GOLGA7: variants seen among roughly 807,000 people sequenced by gnomAD.
GOLGA7 encodes the protein golgin A7.
Under a neutral mutation model 21.1 loss-of-function variants are expected in GOLGA7, and 10 were observed. That is an observed-to-expected ratio of 0.47 (90% CI 0.29 to 0.80). The LOEUF is 0.80. Among genes scored for constraint, GOLGA7 ranks in the 30% least tolerant of loss-of-function variants. GOLGA7 has a pLI of 0.08. For missense variants in GOLGA7, 114 were observed against 166.8 expected, an observed-to-expected ratio of 0.68 and a Z score of 1.74; for synonymous variants, 64 against 62.6, an observed-to-expected ratio of 1.02 and a Z score of -0.10.
chr8:41,506,487 G>A (rs1323568596), intron 3 of GOLGA7, among the ~76,000 whole-genome samples: 1 of 152,052 alleles, frequency 6.6e-6, no homozygotes, highest in Non-Finnish European at 1.5e-5. Context: ...ATTTTTAGAG[G>A]CAGTAAGCTT....
chr8:41,499,976 T>C (rs1806111482), intron 2 of GOLGA7, among the ~76,000 whole-genome samples: 1 of 152,228 alleles, frequency 6.6e-6, no homozygotes, highest in Non-Finnish European at 1.5e-5. Context: ...TCAGAAGTTA[T>C]CAAGGCTCTA....
At chr8:41,493,091 A>C (rs575957420) in intron 1 of GOLGA7, among the ~76,000 whole-genome samples, 1 of 152,190 alleles carries the variant, frequency 6.6e-6, no homozygotes, top group Non-Finnish European at 1.5e-5. Context: ...GCACTCTTCA[A>C]TTGTGCCTTT....
rs1193659670 is a variant in GOLGA7, at chr8:41,497,498, CT to C, written c.112-9del. ...CCAAAACTTAATTTTTAAATATTTT[CT>C]TCTCTACAGATTGATAGGCAGCAGT... On this transcript the variant is annotated splice_polypyrimidine_tract_variant and intron_variant, in intron 1 of 4. Coordinates refer to ENST00000357743, the MANE Select transcript of GOLGA7 (RefSeq NM_001002296.2). 7.1e-7 allele frequency: 1 copy of C among 1,404,488 alleles called. No individual in the cohort carries two copies. Among genetic ancestry groups the C allele is most frequent in the Non-Finnish European group, 9.8e-7 (1 of 1,025,344 alleles). The allele number at this position is 1,404,488 out of a possible 1,614,324, so 87.0% of individuals were successfully genotyped here. A position where few individuals can be genotyped will look rare whatever the true frequency, so the allele number is the denominator to read the frequency against.
intron 1 of GOLGA7, among the ~76,000 whole-genome samples, chr8:41,491,172 C>T (rs1408055362): frequency 6.6e-6 from 1 of 152,176 alleles, no homozygotes; most frequent in Non-Finnish European, 1.5e-5. Context: ...GGCCGATCGC[C>T]GGGGTTGACG....
chr8:41,500,073 CTA>C (rs536972283), intron 2 of GOLGA7, among the ~76,000 whole-genome samples: 302 of 152,306 alleles, frequency 2.0e-3, no homozygotes, highest in Middle Eastern at 0.01. Context: ...TGCTCAGTAA[CTA>C]TTGAAAGCCT....
intron 1 of GOLGA7, among the ~76,000 whole-genome samples, chr8:41,491,412 G>A (rs1415211639): frequency 6.6e-6 from 1 of 152,156 alleles, no homozygotes; most frequent in East Asian, 1.9e-4. Context: ...TGTGCTGGCC[G>A]CACTGTTTGG....
chr8:41,499,238 C>T (rs1472835550), intron 2 of GOLGA7, among the ~76,000 whole-genome samples: 1 of 152,168 alleles, frequency 6.6e-6, no homozygotes, highest in Non-Finnish European at 1.5e-5. Flanking sequence ...TCCAACCCCA[C>T]AGCAGTGTCT....
chr8:41,507,192 C>T, intron 4 of GOLGA7, 71 bp downstream of exon 4: 2 of 753,548 alleles, frequency 2.7e-6, no homozygotes. Context: ...TTCTTCCCCG[C>T]ATGGTAAATA....
At chr8:41,491,622 C>G (rs949907584) in intron 1 of GOLGA7, among the ~76,000 whole-genome samples, 1 of 151,002 alleles carries the variant, frequency 6.6e-6, no homozygotes, top group Non-Finnish European at 1.5e-5. Context: ...GGCAACATTG[C>G]AGGCAAAAAT....
Position 41,501,594 on chromosome 8 carries a change from C to T in GOLGA7, c.264+3933C>T, listed in dbSNP as rs902115441. ...AAAAAAAACTAGAGATGGGGTCTCACTATGTTGGCTAGGCTGGTCTTGCAC... is the reference window on the plus strand; with the variant it reads ...AAAAAAAACTAGAGATGGGGTCTCATTATGTTGGCTAGGCTGGTCTTGCAC... On this transcript the variant is annotated intron_variant, in intron 2 of 4. Coordinates refer to ENST00000357743, the MANE Select transcript of GOLGA7 (RefSeq NM_001002296.2). Among the ~76,000 whole-genome samples, 6 of 152,162 alleles carry T rather than the reference C, an allele frequency of 3.9e-5. No homozygotes were observed. In the East Asian group the frequency reaches 9.6e-4, roughly 24 times the overall value.
intron 1 of GOLGA7, among the ~76,000 whole-genome samples, chr8:41,496,939 CT>C (rs1205926066): frequency 6.6e-6 from 1 of 150,894 alleles, no homozygotes; most frequent in East Asian, 2.0e-4. Context: ...TCCCCAGTAG[CT>C]GGGGCTATAG....
In GOLGA7 at chr8:41,497,454, A is replaced by G; in HGVS notation, c.112-55A>G. 7 of 932,138 alleles carry G rather than the reference A, an allele frequency of 7.5e-6. No homozygotes were observed. The South Asian group carries it at 8.7e-5, about 12-fold the overall frequency. The allele number at this position is 932,138 out of a possible 1,614,324, so 57.7% of individuals were successfully genotyped here. A position where few individuals can be genotyped will look rare whatever the true frequency, so the allele number is the denominator to read the frequency against. On this transcript the variant is annotated intron_variant, in intron 1 of 4. Transcript: ENST00000357743. ...ACAAGATAAATTAATGATAGCATGC[A>G]TTAGTTGATTTTTTTTTTCCAAAAC... is the stretch of plus-strand genomic sequence containing the variant.
intron 1 of GOLGA7, among the ~76,000 whole-genome samples, chr8:41,492,459 C>G (rs1456669034): frequency 6.6e-6 from 1 of 152,182 alleles, no homozygotes; most frequent in Non-Finnish European, 1.5e-5. Flanking sequence ...GTCGGGAATT[C>G]AAGACCAGCT....
chr8:41,497,484 T>C, intron 1 of GOLGA7, 25 bp from the exon 2 acceptor site: 1 of 1,324,008 alleles, frequency 7.6e-7, no homozygotes. Flanking sequence ...CAAAACTTAA[T>C]TTTTAAATAT....
At chr8:41,504,227 A>G (rs555210513) in intron 2 of GOLGA7, among the ~76,000 whole-genome samples, 2 of 152,062 alleles carry the variant, frequency 1.3e-5, no homozygotes, top group South Asian at 4.2e-4. Flanking sequence ...CGTAACCTGT[A>G]CTCGGAGAAA....
At chr8:41,500,201 C>T (rs1387542137) in intron 2 of GOLGA7, among the ~76,000 whole-genome samples, 1 of 152,128 alleles carries the variant, frequency 6.6e-6, no homozygotes, top group African/African-American at 2.4e-5. Flanking sequence ...ACAAAGCCAG[C>T]AAAATTACAC....
In GOLGA7 at chr8:41,507,014, G is replaced by T. The variant is rs1040737358; in HGVS notation, c.367-45G>T. The T allele has an allele frequency of 4.4e-6, 4 of 906,136 alleles. No homozygotes were observed. The African/African-American group carries it at 6.5e-5, about 15-fold the overall frequency. The allele number at this position is 906,136 out of a possible 1,614,324, so 56.1% of individuals were successfully genotyped here. A position where few individuals can be genotyped will look rare whatever the true frequency, so the allele number is the denominator to read the frequency against. On this transcript the variant is annotated intron_variant, in intron 3 of 4. Coordinates refer to ENST00000357743, the MANE Select transcript of GOLGA7 (RefSeq NM_001002296.2). ...TCCACCTTGCCAAGTCCCCCTTTGT[G>T]TGTTGTGTCCTGTAGTGTGTTTTCT...
At chr8:41,492,057 A>G (rs1298139929) in intron 1 of GOLGA7, among the ~76,000 whole-genome samples, 1 of 152,216 alleles carries the variant, frequency 6.6e-6, no homozygotes, top group Non-Finnish European at 1.5e-5. Flanking sequence ...GAAATCAACA[A>G]TGATCCATTA....
intron 2 of GOLGA7, among the ~76,000 whole-genome samples, chr8:41,500,576 G>T (rs532414634): frequency 1.3e-5 from 2 of 152,294 alleles, no homozygotes; most frequent in South Asian, 4.1e-4. Flanking sequence ...TCAAGAGAGT[G>T]ATGTGATGAG....
Sources: allele counts gnomAD v4.1 joint callset (sites outside exome capture counted in the v4.1 genomes callset), GRCh38; gene constraint gnomAD v4.1.1; transcripts MANE v1.5; gene names NCBI Gene and HGNC (gene_info 2026-07-23, HGNC 2026-07-21).